The following SCFD2 variants were observed in gnomAD, a reference collection of about 807,000 sequenced individuals.
SCFD2 encodes the protein sec1 family domain containing 2.
Under a neutral mutation model 58.9 loss-of-function variants are expected in SCFD2, and 54 were observed. The ratio of observed to expected loss-of-function variants is 0.92; its 90% CI spans 0.74 to 1.15. SCFD2 has a LOEUF of 1.15. SCFD2 is among the 50% of genes most tolerant of loss of function. The pLI is 0.00. For missense variants in SCFD2, 805 were observed against 836.6 expected (o/e 0.96, Z 0.47); for synonymous variants, 321 against 335.9 (o/e 0.96, Z 0.49).
chr4:52,876,364 T>C (rs1212844291), intron 8 of SCFD2, among the ~76,000 whole-genome samples: 2 of 152,204 alleles, frequency 1.3e-5, no homozygotes, highest in African/African-American at 4.8e-5. Context: ...AAGAACTTTC[T>C]AGAAAAATAC....
At chr4:53,235,173 C>G (rs1314506800) in intron 4 of SCFD2, among the ~76,000 whole-genome samples, 2 of 152,244 alleles carry the variant, frequency 1.3e-5, no homozygotes, top group African/African-American at 2.4e-5. Context: ...TTGCCAGAAC[C>G]TGGTCTCATC....
At chr4:52,968,206 C>T (rs1204035831) in intron 5 of SCFD2, among the ~76,000 whole-genome samples, 1 of 152,190 alleles carries the variant, frequency 6.6e-6, no homozygotes, top group African/African-American at 2.4e-5. Context: ...TACTGTGTGC[C>T]AGGCACTGTG....
At chr4:53,208,149 T>G (rs1487999016) in intron 4 of SCFD2, among the ~76,000 whole-genome samples, 1 of 151,570 alleles carries the variant, frequency 6.6e-6, no homozygotes, top group Non-Finnish European at 1.5e-5. Context: ...TTTTTTCTTT[T>G]TATATATATA....
chr4:53,253,054 C>G (rs1296210922), intron 4 of SCFD2, among the ~76,000 whole-genome samples: 3 of 152,148 alleles, frequency 2.0e-5, no homozygotes, highest in African/African-American at 4.8e-5. Context: ...AAAAAACAAA[C>G]AACCCCACCA....
Position 53,341,302 on chromosome 4 carries a change from T to C in SCFD2, c.1007+11296A>G, listed in dbSNP as rs968799642. On this transcript the variant is annotated intron_variant, in intron 2 of 8. Transcript: ENST00000401642. ...TGAAAACCATGGCACAAGAACTATATGACACATGCACAAGCTTCAGTAGCC... is the reference window on the plus strand; with the variant it reads ...TGAAAACCATGGCACAAGAACTATACGACACATGCACAAGCTTCAGTAGCC... Among the ~76,000 whole-genome samples, 5 of 152,086 alleles carry C rather than the reference T, an allele frequency of 3.3e-5. No individual in the cohort carries two copies. In the East Asian group the frequency reaches 7.7e-4, roughly 23 times the overall value.
At chr4:53,151,614 C>T (rs1230563302) in intron 4 of SCFD2, among the ~76,000 whole-genome samples, 1 of 152,210 alleles carries the variant, frequency 6.6e-6, no homozygotes, top group African/African-American at 2.4e-5. Flanking sequence ...GCTGGCTGTA[C>T]ACCTGCCCTT....
intron 5 of SCFD2, among the ~76,000 whole-genome samples, chr4:53,142,633 A>G (rs1726203859): frequency 1.3e-5 from 2 of 152,216 alleles, no homozygotes; most frequent in African/African-American, 2.4e-5. Context: ...TTCCTATTCT[A>G]CAAGACCGAG....
intron 4 of SCFD2, among the ~76,000 whole-genome samples, chr4:53,217,937 A>T (rs1728908007): frequency 6.6e-6 from 1 of 152,178 alleles, no homozygotes; most frequent in Non-Finnish European, 1.5e-5. Context: ...TCTGGGTTGA[A>T]AATCATTTTC....
At chr4:52,880,622 A>C (rs1427028835) in intron 8 of SCFD2, among the ~76,000 whole-genome samples, 12 of 151,882 alleles carry the variant, frequency 7.9e-5, no homozygotes, top group African/African-American at 2.9e-4. Context: ...GTCTCAAAAA[A>C]AAAAAAAAAG....
chr4:52,914,377 G>A (rs1190955004), intron 6 of SCFD2, among the ~76,000 whole-genome samples: 1 of 152,180 alleles, frequency 6.6e-6, no homozygotes, highest in Non-Finnish European at 1.5e-5. Context: ...CAGGATATGA[G>A]GTTTTTAAGC....
At chr4:53,316,980 G>A (rs925958365) in intron 2 of SCFD2, among the ~76,000 whole-genome samples, 40 of 151,860 alleles carry the variant, frequency 2.6e-4, no homozygotes, top group African/African-American at 8.0e-4. Flanking sequence ...GGTGGTGTGC[G>A]CCTATAATCC....
intron 6 of SCFD2, among the ~76,000 whole-genome samples, chr4:52,912,646 T>TA (rs879570445): frequency 2.0e-5 from 3 of 152,096 alleles, no homozygotes; most frequent in African/African-American, 7.2e-5. Flanking sequence ...GCCTTCTTAA[T>TA]AAAAAAAATT....
At chr4:53,306,570 C>CA (rs1163650153) in intron 3 of SCFD2, among the ~76,000 whole-genome samples, 1 of 152,180 alleles carries the variant, frequency 6.6e-6, no homozygotes, top group Non-Finnish European at 1.5e-5. Context: ...CTCTGTTACT[C>CA]ACCCATACTC....
chr4:53,061,485 C>T (rs954332088), intron 5 of SCFD2, among the ~76,000 whole-genome samples: 1 of 152,136 alleles, frequency 6.6e-6, no homozygotes, highest in Non-Finnish European at 1.5e-5. Flanking sequence ...CCATTCCTGT[C>T]TTAGGAATCT....
rs530416714 is a variant in SCFD2 at position 53,268,108 on chromosome 4, T to C, written c.1311+5718A>G. Among the ~76,000 whole-genome samples the C allele has an allele frequency of 8.5e-5, 13 of 152,116 alleles. No homozygotes were observed. In the East Asian group the frequency reaches 2.3e-3, roughly 27 times the overall value. On this transcript the variant is annotated intron_variant, in intron 4 of 8. Coordinates refer to ENST00000401642, the MANE Select transcript of SCFD2 (RefSeq NM_152540.4). Reference sequence around the variant, plus strand: ...CACAATAGTGGCTTAGGGCAGGTTGTCAGAGCCCACGAGTATGAAGAGGGT... The same window carrying C: ...CACAATAGTGGCTTAGGGCAGGTTGCCAGAGCCCACGAGTATGAAGAGGGT...
At chr4:53,300,128 G>C (rs1732220535) in intron 3 of SCFD2, among the ~76,000 whole-genome samples, 1 of 152,146 alleles carries the variant, frequency 6.6e-6, no homozygotes. Context: ...TGGGCTAAAT[G>C]CTCCAATTAA....
intron 3 of SCFD2, among the ~76,000 whole-genome samples, chr4:53,300,647 T>A (rs886180796): frequency 8.5e-5 from 13 of 152,172 alleles, no homozygotes; most frequent in South Asian, 2.1e-4. Context: ...AGAATATACA[T>A]TCTTTTCAGC....
rs1357064182 is a variant in SCFD2 at position 53,224,790 on chromosome 4, G to GAT, written c.1311+49034_1311+49035dup. On this transcript the variant is annotated intron_variant, in intron 4 of 8. Transcript: ENST00000401642. Reference sequence around the variant, plus strand: ...AAAAACCTACTACTTAGAAAACTATGATAATAATTGTGATGTATTTTCCAG... The same window carrying GAT: ...AAAAACCTACTACTTAGAAAACTATGATATAATAATTGTGATGTATTTTCCAG... Among the ~76,000 whole-genome samples the GAT allele has an allele frequency of 2.0e-5, 3 of 151,316 alleles. No individual in the cohort carries two copies. The East Asian group carries it at 5.8e-4, about 29-fold the overall frequency.
intron 1 of SCFD2, among the ~76,000 whole-genome samples, chr4:53,358,404 T>C (rs113311716): frequency 0.014 from 2,124 of 151,990 alleles, 45 homozygotes; most frequent in African/African-American, 0.048. Context: ...AAAAATTAGC[T>C]GGGCGTGGTG....
Sources: allele counts gnomAD v4.1 joint callset (sites outside exome capture counted in the v4.1 genomes callset), GRCh38; gene constraint gnomAD v4.1.1; transcripts MANE v1.5; gene names NCBI Gene and HGNC (gene_info 2026-07-23, HGNC 2026-07-21).